The following MYH7B variants were observed in gnomAD, a reference collection of about 807,000 sequenced individuals.
The protein encoded by MYH7B is myosin heavy chain 7B, also known as myosin-7B.
Under a neutral mutation model 234.5 loss-of-function variants are expected in MYH7B, and 205 were observed. The ratio of observed to expected loss-of-function variants is 0.87; its 90% CI spans 0.78 to 0.98. The LOEUF (loss-of-function observed/expected upper bound fraction) is 0.98. Ranked by LOEUF, MYH7B falls within the 50% of genes least tolerant of loss-of-function variation. The pLI is 0.00. For missense variants in MYH7B, 2,652 were observed against 2,633.4 expected, an observed-to-expected ratio of 1.01 and a Z score of -0.15; for synonymous variants, 1,193 against 1,105.0, an observed-to-expected ratio of 1.08 and a Z score of -1.58.
At chr20:34,997,688 C>G (rs777827723) in intron 32 of MYH7B, 48 bp downstream of exon 32, 20 of 1,602,590 alleles carry the variant, frequency 1.2e-5, no homozygotes, top group Non-Finnish European at 1.7e-5. Context: ...TTAAACCAAT[C>G]CCGATCCCAG....
At chr20:35,000,385 T>C (rs1460807400) in exon 39 of MYH7B, 3 of 1,599,552 alleles carry the variant, frequency 1.9e-6, no homozygotes, top group Non-Finnish European at 2.5e-6. Context: ...AAGAAGAAGA[T>C]GGAGGGTGAC....
chr20:34,986,891 C>T (rs1276888976), exon 15 of MYH7B: 1 of 1,613,456 alleles, frequency 6.2e-7, no homozygotes. Flanking sequence ...CCCAGACATG[C>T]TGCTTCTGTC....
chr20:34,966,084 G>A (rs2081738949), intron 2 of MYH7B, among the ~76,000 whole-genome samples: 1 of 151,892 alleles, frequency 6.6e-6, no homozygotes, highest in Non-Finnish European at 1.5e-5. Flanking sequence ...GGGTCGGGGG[G>A]TGGGGAGAAT....
chr20:34,993,504 G>C (rs1436310106), intron 26 of MYH7B, 34 bp downstream of exon 26: 2 of 1,520,538 alleles, frequency 1.3e-6, no homozygotes, highest in South Asian at 2.5e-5. Flanking sequence ...GACAGGGTGT[G>C]TCCCCTGCCT....
intron 10 of MYH7B, among the ~76,000 whole-genome samples, chr20:34,983,663 G>A (rs1247451752): frequency 6.6e-6 from 1 of 152,176 alleles, no homozygotes; most frequent in African/African-American, 2.4e-5. Flanking sequence ...GAACTTAAAA[G>A]ATTGATCAGC....
intron 42 of MYH7B, 22 bp from the exon 43 acceptor site, chr20:35,001,409 T>C (rs1464317070): frequency 4.4e-6 from 7 of 1,594,384 alleles, no homozygotes; most frequent in Non-Finnish European, 4.3e-6. Flanking sequence ...AAGCAAGCCC[T>C]GAGTCCCCCT....
At chr20:34,957,301 G>A (rs2081648412) in intron 1 of MYH7B, among the ~76,000 whole-genome samples, 1 of 152,148 alleles carries the variant, frequency 6.6e-6, no homozygotes, top group Non-Finnish European at 1.5e-5. Flanking sequence ...GTGACAAATG[G>A]TTTGGAAGTG....
rs367621234 is a variant in MYH7B at position 34,971,103 on chromosome 20, C to T, written c.-221-4297C>T. ...AGTCTGAGGTACCCTTGTGTGTGCT[C>T]GGGGAGGCCTCAAGGTCTTCCGAAG... On this transcript the variant is annotated intron_variant, in intron 2 of 44. Transcript: ENST00000262873. Among the ~76,000 whole-genome samples, 37 of 152,202 alleles carry T rather than the reference C, an allele frequency of 2.4e-4. No individual in the cohort carries two copies. The South Asian group carries it at 5.6e-3, about 23-fold the overall frequency.
At chr20:34,992,385 CAAA>C (rs57996416) in intron 24 of MYH7B, among the ~76,000 whole-genome samples, 28 of 97,918 alleles carry the variant, frequency 2.9e-4, no homozygotes, top group Admixed American at 3.4e-4. Flanking sequence ...GACTCCGTCT[CAAA>C]AAAAAAAAAA....
chr20:34,983,926 G>A (rs2147185296), intron 10 of MYH7B, among the ~76,000 whole-genome samples: 1 of 152,350 alleles, frequency 6.6e-6, no homozygotes, highest in Admixed American at 6.5e-5. Flanking sequence ...GGGAAGAGAA[G>A]GAAAGGAAAA....
rs144576019 is a variant in MYH7B, at chr20:34,960,229, G to A, written c.-222+2017G>A. On this transcript the variant is annotated intron_variant, in intron 2 of 44. Transcript: ENST00000262873. ...GGGCCTCTCTCCAAGTCTGGACTGTGGGTTTTTTTTGTTTTTGTTTTTTTG... is the reference window on the plus strand; with the variant it reads ...GGGCCTCTCTCCAAGTCTGGACTGTAGGTTTTTTTTGTTTTTGTTTTTTTG... Among the ~76,000 whole-genome samples, 5 of 151,954 alleles carry A rather than the reference G, an allele frequency of 3.3e-5. No homozygotes were observed. The East Asian group carries it at 9.6e-4, about 29-fold the overall frequency.
At chr20:34,996,238 G>A in intron 28 of MYH7B, 108 bp from the exon 29 acceptor site, 1 of 1,302,476 alleles carries the variant, frequency 7.7e-7, no homozygotes, top group East Asian at 2.5e-5. Flanking sequence ...CAAGTGACTT[G>A]CCTGAGTCCC....
chr20:34,990,905 C>T (rs1211053558), intron 23 of MYH7B, 80 bp downstream of exon 23: 4 of 1,570,546 alleles, frequency 2.5e-6, no homozygotes, highest in Admixed American at 1.7e-5. Flanking sequence ...AGGCTGAGTA[C>T]ATCTTCCCCC....
exon 30 of MYH7B, chr20:34,996,636 G>A: frequency 6.2e-7 from 1 of 1,612,736 alleles, no homozygotes; most frequent in Non-Finnish European, 8.5e-7. Context: ...TGGAGCAGGA[G>A]AAGAAGCTGC....
intron 2 of MYH7B, among the ~76,000 whole-genome samples, chr20:34,961,767 C>T (rs1356374991): frequency 6.6e-6 from 1 of 152,358 alleles, no homozygotes; most frequent in East Asian, 1.9e-4. Context: ...TTGTAACTAG[C>T]ATCTTTCACT....
chr20:34,986,030 G>A (rs148638195), intron 13 of MYH7B, 70 bp from the exon 14 acceptor site: 99 of 1,337,456 alleles, frequency 7.4e-5, no homozygotes, highest in Non-Finnish European at 9.4e-5. Context: ...CTCTCCCTCC[G>A]CATCGCCCCC....
At chr20:34,991,091 A>G (rs1403041469) in exon 24 of MYH7B, 1 of 1,612,886 alleles carries the variant, frequency 6.2e-7, no homozygotes, top group African/African-American at 1.3e-5. Context: ...GGGTTCCCCA[A>G]CAGGTTGCTC....
chr20:34,997,150 C>A, exon 31 of MYH7B: 6 of 1,549,684 alleles, frequency 3.9e-6, no homozygotes, highest in Non-Finnish European at 5.2e-6. Flanking sequence ...GGCCCAGATG[C>A]AGAAGAAGAT....
chr20:34,960,164 G>A (rs974837816), intron 2 of MYH7B, among the ~76,000 whole-genome samples: 3 of 152,172 alleles, frequency 2.0e-5, no homozygotes, highest in Admixed American at 6.5e-5. Flanking sequence ...GTGAATGGAG[G>A]CCAATCCCTT....
Sources: gnomAD v4.1 joint callset for allele counts (sites outside exome capture counted in the v4.1 genomes callset) on GRCh38, gnomAD v4.1.1 for gene constraint, MANE v1.5 for transcripts, NCBI Gene and HGNC (gene_info 2026-07-23, HGNC 2026-07-21) for gene names.